PCDHA8: variants seen among roughly 807,000 people sequenced by gnomAD.
PCDHA8 encodes the protein protocadherin alpha 8, also known as protocadherin alpha-8.
In PCDHA8, 53 loss-of-function variants were observed where a neutral mutation model predicts 61.8. The observed-to-expected ratio is 0.86, with a 90% CI of 0.69 to 1.08. The LOEUF (loss-of-function observed/expected upper bound fraction) is 1.08. PCDHA8 is among the 50% of genes least tolerant of loss of function. PCDHA8 has a pLI of 0.00. For synonymous variants in PCDHA8, 618 were observed against 556.6 expected (o/e 1.11, Z -1.55); for missense variants, 1,293 against 1,245.0 (o/e 1.04, Z -0.58).
In PCDHA8 at chr5:140,850,072, A is replaced by C. The variant is rs2150465925; in HGVS notation, c.2394+6357A>C. 113 of 1,596,472 alleles carry C rather than the reference A, an allele frequency of 7.1e-5. 13 individuals are homozygous for C. The Admixed American group carries it at 1.8e-3, about 25-fold the overall frequency. On this transcript the variant is annotated intron_variant, in intron 1 of 3. Coordinates refer to ENST00000531613, the MANE Select transcript of PCDHA8 (RefSeq NM_018911.3). The stretch of plus-strand genomic sequence containing the variant: ...TACGCGCTGCAGCCGTTGGACCACG[A>C]GGAGCTGGAGCTGCTACAGTTCCAG...
chr5:140,936,846 T>C (rs1385625641), intron 1 of PCDHA8, among the ~76,000 whole-genome samples: 1 of 152,206 alleles, frequency 6.6e-6, no homozygotes, highest in Non-Finnish European at 1.5e-5. Context: ...AATTGTAGAT[T>C]CAGCTTCTCA....
intron 1 of PCDHA8, among the ~76,000 whole-genome samples, chr5:140,956,438 G>A (rs891696288): frequency 1.3e-5 from 2 of 152,154 alleles, no homozygotes; most frequent in Non-Finnish European, 2.9e-5. Context: ...TTCTGCTTAT[G>A]TGATGAATTA....
chr5:140,984,325 G>C (rs2097097043), intron 3 of PCDHA8, among the ~76,000 whole-genome samples: 1 of 152,168 alleles, frequency 6.6e-6, no homozygotes, highest in Admixed American at 6.5e-5. Flanking sequence ...CTAGGCAAAT[G>C]TGGAATAGGA....
rs155802 is a variant in PCDHA8, at chr5:140,917,330, A to C, written c.2395-61619A>C. 5.0e-3 allele frequency among the ~76,000 whole-genome samples: 514 copies of C among 103,230 alleles called. 31 individuals carry two copies. The highest frequency in any genetic ancestry group is 8.4e-3 in the Non-Finnish European group (403 of 48,222). The allele number at this position is 103,230 out of a possible 152,430, so 67.7% of individuals were successfully genotyped here. A position where few individuals can be genotyped will look rare whatever the true frequency, so the allele number is the denominator to read the frequency against. On this transcript the variant is annotated intron_variant, in intron 1 of 3. Coordinates refer to ENST00000531613, the MANE Select transcript of PCDHA8 (RefSeq NM_018911.3). ...CAATTTGGTGTTCATGTGGCGGGGG[A>C]GGGGGGGGATGGTGTAGGCTTCTGT...
chr5:141,009,724 T>C lies in PCDHA8; in HGVS notation c.2640T>C (p.Gly880=). ...KYGPGNPKQS[G]PGELPDKFII... The stretch of plus-strand genomic sequence containing the variant: ...GACCAGGCAACCCCAAACAATCCGG[T>C]CCCGGTGAGTTGCCCGACAAATTCA... Residue 880 remains glycine, a synonymous_variant, in exon 4 of 4, where the codon GGT becomes GGC. Transcript: ENST00000531613. 6.2e-7 allele frequency: 1 copy of C among 1,614,116 alleles called. No individual in the cohort carries two copies. Among genetic ancestry groups the C allele is most frequent in the South Asian group, 1.1e-5 (1 of 91,062 alleles).
At position 140,928,212 on chromosome 5, in the gene PCDHA8, C is replaced by G. The variant is rs1388758279; in HGVS notation, c.2395-50737C>G. The G allele has an allele frequency of 2.5e-6, 4 of 1,614,106 alleles. No individual in the cohort carries two copies. The African/African-American group carries it at 5.3e-5, about 22-fold the overall frequency. On this transcript the variant is annotated intron_variant, in intron 1 of 3. Coordinates refer to ENST00000531613, the MANE Select transcript of PCDHA8 (RefSeq NM_018911.3). Reference sequence around the variant, plus strand: ...CTGTGTCAGTTGCTGATGTGAATGACAATACACCAAACTTTCCTCAACCCC... The same window carrying G: ...CTGTGTCAGTTGCTGATGTGAATGAGAATACACCAAACTTTCCTCAACCCC...
intron 2 of PCDHA8, among the ~76,000 whole-genome samples, chr5:140,979,425 A>G (rs1009935948): frequency 2.0e-5 from 3 of 151,814 alleles, no homozygotes; most frequent in African/African-American, 7.3e-5. Context: ...TTTTAATCTC[A>G]CATTGGCTAT....
At chr5:141,008,686 A>G (rs1419778370) in intron 3 of PCDHA8, among the ~76,000 whole-genome samples, 1 of 152,174 alleles carries the variant, frequency 6.6e-6, no homozygotes, top group Non-Finnish European at 1.5e-5. Flanking sequence ...TAGTTATTGC[A>G]TGTATTAAGT....
chr5:140,845,092 C>T lies in PCDHA8; in HGVS notation c.2394+1377C>T, dbSNP rs145327720. Among the ~76,000 whole-genome samples, 352 of 149,676 alleles carry T rather than the reference C, an allele frequency of 2.4e-3. 12 individuals are homozygous for T. Among genetic ancestry groups the T allele is most frequent in the African/African-American group, 8.0e-3 (326 of 40,968 alleles). On this transcript the variant is annotated intron_variant, in intron 1 of 3. Transcript: ENST00000531613. Reference sequence around the variant, plus strand: ...CAGCATTGTTTTGTAGTTTATTTTACAGTTCTCTTAATGCCTGTCCATGTT... The same window carrying T: ...CAGCATTGTTTTGTAGTTTATTTTATAGTTCTCTTAATGCCTGTCCATGTT...
chr5:140,843,962 A>G (rs1554140497), intron 1 of PCDHA8, among the ~76,000 whole-genome samples: 1 of 149,518 alleles, frequency 6.7e-6, no homozygotes, highest in Non-Finnish European at 1.5e-5. Context: ...TTTACTGAAT[A>G]TTTATTTTGG....
chr5:140,871,015 G>T (rs1554164977), intron 1 of PCDHA8: 4 of 1,613,124 alleles, frequency 2.5e-6, no homozygotes, highest in East Asian at 4.5e-5. Flanking sequence ...TGCCCTGGAC[G>T]AGGCAGACTC....
rs370989006 is a variant in PCDHA8 at position 141,009,739 on chromosome 5, C to T, written c.2655C>T (p.Pro885=). The change falls in exon 4 of 4, where the codon CCC becomes CCT. Residue 885 remains proline (P), a synonymous_variant. Transcript: ENST00000531613. ...AACAATCCGGTCCCGGTGAGTTGCC[C>T]GACAAATTCATTATCCCAGGATCTC... ...NPKQSGPGEL[P]DKFIIPGSPA... is the part of the protein sequence containing the mutation. 55 of 1,614,008 alleles carry T rather than the reference C, an allele frequency of 3.4e-5. No homozygotes were observed. Among genetic ancestry groups the T allele is most frequent in the African/African-American group, 2.4e-4 (18 of 74,972 alleles).
chr5:140,857,662 T>A (rs782577621), intron 1 of PCDHA8: 2 of 1,596,528 alleles, frequency 1.3e-6, no homozygotes, highest in Non-Finnish European at 1.7e-6. Flanking sequence ...GCGCGCGCGA[T>A]GGGGGCGTGC....
At chr5:140,888,695 A>G (rs1161003821) in intron 1 of PCDHA8, among the ~76,000 whole-genome samples, 3 of 152,094 alleles carry the variant, frequency 2.0e-5, no homozygotes, top group African/African-American at 7.2e-5. Flanking sequence ...CTCTTCTCTG[A>G]TTGGTAGGAA....
At chr5:140,849,667 C>T in intron 1 of PCDHA8, 1 of 1,598,692 alleles carries the variant, frequency 6.3e-7, no homozygotes, top group South Asian at 1.1e-5. Context: ...TCCCTGACGC[C>T]CCACGTCCCC....
chr5:141,003,560 G>T (rs1011065385), intron 3 of PCDHA8, among the ~76,000 whole-genome samples: 1 of 152,062 alleles, frequency 6.6e-6, no homozygotes, highest in Non-Finnish European at 1.5e-5. Context: ...TGATCCACCT[G>T]CCTCAGACTC....
At chr5:140,946,610 A>AT (rs2093970425) in intron 1 of PCDHA8, among the ~76,000 whole-genome samples, 1 of 119,932 alleles carries the variant, frequency 8.3e-6, no homozygotes, top group African/African-American at 3.4e-5. Flanking sequence ...AGAAAATGTG[A>AT]AATATATATA....
intron 1 of PCDHA8, among the ~76,000 whole-genome samples, chr5:140,903,657 A>G (rs913315008): frequency 6.6e-6 from 1 of 152,230 alleles, no homozygotes; most frequent in Non-Finnish European, 1.5e-5. Flanking sequence ...TATATTATAA[A>G]TTTAACTGAT....
chr5:140,883,930 C>T, intron 1 of PCDHA8: 1 of 1,613,066 alleles, frequency 6.2e-7, no homozygotes, highest in East Asian at 2.2e-5. Context: ...TGCAGGTGTT[C>T]GTGCTGGACG....
Sources: gnomAD v4.1 joint callset for allele counts (sites outside exome capture counted in the v4.1 genomes callset) on GRCh38, gnomAD v4.1.1 for gene constraint, MANE v1.5 for transcripts, NCBI Gene and HGNC (gene_info 2026-07-23, HGNC 2026-07-21) for gene names.